Variants in ARHGEF6 observed in about 807,000 individuals in gnomAD.
ARHGEF6 encodes Rac/Cdc42 guanine nucleotide exchange factor 6, also known as rho guanine nucleotide exchange factor 6.
A neutral mutation model predicts 70.3 loss-of-function variants in ARHGEF6; 9 were observed. That is an observed-to-expected ratio of 0.13 (90% CI 0.08 to 0.22). ARHGEF6 has a LOEUF of 0.22. Ranked by LOEUF, ARHGEF6 falls within the 10% of genes least tolerant of loss-of-function variation. ARHGEF6 has a pLI of 1.00. For missense variants in ARHGEF6, 470 were observed against 563.0 expected (o/e 0.83, Z 1.67); for synonymous variants, 201 against 207.8 (o/e 0.97, Z 0.28).
chrX:136,750,244 G>C (rs928093099), intron 2 of ARHGEF6, among the ~76,000 whole-genome samples: 2 of 112,320 alleles, frequency 1.8e-5, no homozygotes, highest in African/African-American at 6.5e-5. Context: ...ATCCAAAATA[G>C]AGAACCAATT....
intron 2 of ARHGEF6, among the ~76,000 whole-genome samples, chrX:136,760,659 C>T (rs1454143907): frequency 8.9e-6 from 1 of 111,831 alleles, no homozygotes; most frequent in Non-Finnish European, 1.9e-5. Context: ...ATATTACATA[C>T]TGTGTTTTTT....
At chrX:136,725,117 GTTTA>G (rs1246542076) in intron 6 of ARHGEF6, among the ~76,000 whole-genome samples, 2 of 110,755 alleles carry the variant, frequency 1.8e-5, no homozygotes, top group East Asian at 5.7e-4. Flanking sequence ...GCTCCAGTGG[GTTTA>G]TTTGCTAGGT....
At chrX:136,670,989 G>A (rs1445506554) in intron 20 of ARHGEF6, among the ~76,000 whole-genome samples, 1 of 111,415 alleles carries the variant, frequency 9.0e-6, no homozygotes, top group African/African-American at 3.3e-5. Flanking sequence ...TCCTCTCTTG[G>A]TCTTAGTTTC....
At chrX:136,672,687 C>T (rs768282299) in intron 19 of ARHGEF6, among the ~76,000 whole-genome samples, 8 of 112,326 alleles carry the variant, frequency 7.1e-5, no homozygotes, top group Non-Finnish European at 9.4e-5. Flanking sequence ...GAGATTATCA[C>T]ATCATCAGCA....
chrX:136,688,501 A>G (rs1248337123), intron 10 of ARHGEF6, among the ~76,000 whole-genome samples: 4 of 110,317 alleles, frequency 3.6e-5, no homozygotes, highest in Non-Finnish European at 7.6e-5. Context: ...TTAGAGAAAA[A>G]TCAATCTATC....
chrX:136,673,026 T>G (rs1270130416), intron 19 of ARHGEF6, among the ~76,000 whole-genome samples: 1 of 112,509 alleles, frequency 8.9e-6, no homozygotes, highest in Non-Finnish European at 1.9e-5. Context: ...GTTTCACATC[T>G]GTGGATTCAA....
At chrX:136,699,437 C>T (rs145355701) in intron 9 of ARHGEF6, among the ~76,000 whole-genome samples, 1 of 110,747 alleles carries the variant, frequency 9.0e-6, no homozygotes, top group East Asian at 2.8e-4. Flanking sequence ...GTGAAAAAAT[C>T]ATTAAAGCAC....
In ARHGEF6 at chrX:136,676,704, C is replaced by T; in HGVS notation, c.1865G>A (p.Ser622Asn). 1 of 1,197,123 alleles carries T rather than the reference C, an allele frequency of 8.4e-7. No individual in the cohort carries two copies. The highest frequency in any genetic ancestry group is 1.1e-6 in the Non-Finnish European group (1 of 882,190). Residue 622 changes from serine (S) to asparagine (N), a missense_variant, in exon 18 of 22, where the codon AGC (serine) becomes AAC (asparagine). Physicochemically the swap from Ser to Asn is conservative, Grantham distance 46. Coordinates refer to ENST00000250617, the MANE Select transcript of ARHGEF6 (RefSeq NM_004840.3). ...MSYILKESSK[S>N]PKTMKKFLHK... ...AAGAAATTTCTTCATCGTTTTAGGG[C>T]TTTTACTAGACTCCTGTGAGGACAG...
chrX:136,714,142 T>G (rs1258384623), intron 6 of ARHGEF6, among the ~76,000 whole-genome samples: 2 of 112,048 alleles, frequency 1.8e-5, no homozygotes, highest in African/African-American at 6.5e-5. Context: ...ATAAAAATTA[T>G]CATTATTATT....
chrX:136,722,330 T>A (rs1026359155), intron 6 of ARHGEF6, among the ~76,000 whole-genome samples: 9 of 111,965 alleles, frequency 8.0e-5, no homozygotes, highest in Non-Finnish European at 1.7e-4. Flanking sequence ...TTGGAATTCA[T>A]CAAAATTAAA....
intron 2 of ARHGEF6, among the ~76,000 whole-genome samples, chrX:136,764,117 G>A (rs1241591002): frequency 3.6e-5 from 4 of 110,495 alleles, no homozygotes; most frequent in Non-Finnish European, 7.6e-5. Context: ...GGATAAACCA[G>A]GGAAATGGTT....
At chrX:136,702,271 G>A (rs1456814516) in intron 9 of ARHGEF6, among the ~76,000 whole-genome samples, 1 of 111,465 alleles carries the variant, frequency 9.0e-6, no homozygotes, top group Non-Finnish European at 1.9e-5. Flanking sequence ...AGTATTATAT[G>A]CTAAGAGAAA....
chrX:136,746,993 A>G (rs1021078064), intron 3 of ARHGEF6, among the ~76,000 whole-genome samples: 17 of 111,785 alleles, frequency 1.5e-4, no homozygotes, highest in African/African-American at 5.5e-4. Flanking sequence ...TAGCATTTAT[A>G]TTTAATACCT....
At chrX:136,698,353 A>G (rs1170794171) in intron 9 of ARHGEF6, among the ~76,000 whole-genome samples, 2 of 111,891 alleles carry the variant, frequency 1.8e-5, no homozygotes, top group Non-Finnish European at 3.8e-5. Context: ...AAAATATGCA[A>G]AGAAATAATG....
chrX:136,676,265 G>A (rs757507914), intron 18 of ARHGEF6, among the ~76,000 whole-genome samples: 1 of 111,957 alleles, frequency 8.9e-6, no homozygotes, highest in East Asian at 2.8e-4. Context: ...TTCAGCCTTC[G>A]GGTCTATTTA....
At chrX:136,774,898 T>C (rs1047274293) in intron 2 of ARHGEF6, among the ~76,000 whole-genome samples, 2 of 108,749 alleles carry the variant, frequency 1.8e-5, no homozygotes, top group East Asian at 5.8e-4. Context: ...AATTAGGCAA[T>C]AGGGGAAAAT....
rs1261192972 is a variant in ARHGEF6 at position 136,717,833 on chromosome X, G to A, written c.733-4463C>T. Among the ~76,000 whole-genome samples, 14 of 111,306 alleles carry A rather than the reference G, an allele frequency of 1.3e-4. No individual in the cohort carries two copies. In the Admixed American group the frequency reaches 1.3e-3, roughly 11 times the overall value. On this transcript the variant is annotated intron_variant, in intron 6 of 21. Transcript: ENST00000250617. ...CTGGGACTAGCTATCAAGGCATAGA[G>A]CAACCACTAAAAATGTTTTTCTTAA... is the stretch of plus-strand genomic sequence containing the variant.
intron 2 of ARHGEF6, among the ~76,000 whole-genome samples, chrX:136,770,211 G>C (rs751452366): frequency 8.9e-6 from 1 of 112,209 alleles, no homozygotes; most frequent in East Asian, 2.8e-4. Context: ...TATATAACAT[G>C]ATCTACTGGG....
At chrX:136,749,317 C>T (rs968560913) in intron 2 of ARHGEF6, among the ~76,000 whole-genome samples, 4 of 111,252 alleles carry the variant, frequency 3.6e-5, no homozygotes, top group African/African-American at 1.3e-4. Context: ...ATGTTAATGA[C>T]ATGTATGCCA....
Sources: allele counts gnomAD v4.1 joint callset (sites outside exome capture counted in the v4.1 genomes callset), GRCh38; gene constraint gnomAD v4.1.1; transcripts MANE v1.5; gene names NCBI Gene and HGNC (gene_info 2026-07-23, HGNC 2026-07-21).